The following SLC2A4RG variants were observed in gnomAD, a reference collection of about 807,000 sequenced individuals.
The protein encoded by SLC2A4RG is SLC2A4 regulator.
SLC2A4RG carries 23 observed loss-of-function variants against 35.5 expected under a neutral mutation model. That is an observed-to-expected ratio of 0.65 (90% CI 0.47 to 0.92). The LOEUF is 0.92. Ranked by LOEUF, SLC2A4RG falls within the 40% of genes least tolerant of loss-of-function variation. The pLI, the probability that SLC2A4RG is intolerant of heterozygous loss-of-function variation, is 0.00. For synonymous variants in SLC2A4RG, 306 were observed against 243.7 expected (o/e 1.26, Z -2.38); for missense variants, 539 against 525.0 (o/e 1.03, Z -0.26).
At chr20:63,740,561 C>T in intron 2 of SLC2A4RG, 30 bp downstream of exon 2, 3 of 1,228,148 alleles carry the variant, frequency 2.4e-6, no homozygotes, top group Non-Finnish European at 3.0e-6. Flanking sequence ...CCTCGGGACT[C>T]GGTGTGCGCA....
chr20:63,741,499 A>G lies in SLC2A4RG; in HGVS notation c.391+20A>G. ...GCCCAGGTAAGACTCAGATGTCTGC[A>G]TTTAGGGGTGTGGGTGGGGACAGGG... On this transcript the variant is annotated intron_variant, in intron 3 of 7. Transcript: ENST00000266077. 1.2e-6 allele frequency: 2 copies of G among 1,603,994 alleles called. No homozygotes were observed. The highest frequency in any genetic ancestry group is 1.7e-6 in the Non-Finnish European group (2 of 1,172,678).
intron 1 of SLC2A4RG, 80 bp downstream of exon 1, chr20:63,740,118 G>A: frequency 1.4e-6 from 1 of 725,024 alleles, no homozygotes; most frequent in Non-Finnish European, 1.7e-6. Context: ...CAAACTTCGG[G>A]CCCCCGGGGG....
In SLC2A4RG at chr20:63,742,124, C is replaced by A; in HGVS notation, c.580-6C>A. 1 of 1,603,600 alleles carries A rather than the reference C, an allele frequency of 6.2e-7. No individual in the cohort carries two copies. Among genetic ancestry groups the A allele is most frequent in the South Asian group, 1.1e-5 (1 of 89,796 alleles). On this transcript the variant is annotated splice_polypyrimidine_tract_variant and splice_region_variant and intron_variant, in intron 4 of 7. Coordinates refer to ENST00000266077, the MANE Select transcript of SLC2A4RG (RefSeq NM_020062.4). ...CTGAGCCTGACCCTGGCCCCTGTTG[C>A]TGCAGAGCCCGGCCCAGGTCATGTT... is the stretch of plus-strand genomic sequence containing the variant.
At position 63,742,795 on chromosome 20, in the gene SLC2A4RG, G is replaced by A. The variant is rs376047910; in HGVS notation, c.1052+5G>A. ...CAGGATCGGAGTCACCCTGAGGTGC[G>A]TGTGGGCTGAGGGCCTGCGGCTGGC... On this transcript the variant is annotated splice_donor_5th_base_variant and intron_variant, in intron 7 of 7. Coordinates refer to ENST00000266077, the MANE Select transcript of SLC2A4RG (RefSeq NM_020062.4). The A allele has an allele frequency of 3.9e-4, 608 of 1,578,940 alleles. No individual in the cohort carries two copies. Among genetic ancestry groups the A allele is most frequent in the Non-Finnish European group, 5.0e-4 (577 of 1,162,138 alleles).
In SLC2A4RG at chr20:63,741,190, G is replaced by A. The variant is rs545100583; in HGVS notation, c.282-180G>A. On this transcript the variant is annotated intron_variant, in intron 2 of 7. Transcript: ENST00000266077. ...GGAGACCCTGGCCCTGCTCCTGGCG[G>A]CTCCGGGTGGCTTTCAGCTCTCTCT... 9.9e-6 allele frequency: 6 copies of A among 604,066 alleles called. No individual in the cohort carries two copies. In the East Asian group the frequency reaches 1.4e-4, roughly 14 times the overall value. The allele number at this position is 604,066 out of a possible 1,614,324, so 37.4% of individuals were successfully genotyped here.
Position 63,741,861 on chromosome 20 carries a change from C to A in SLC2A4RG, c.392-8C>A. ...AAGTTCTAAGGCGGGGGGCCCGTGT[C>A]CCCACAGAGCCTGGCCTGGAGCCCT... On this transcript the variant is annotated splice_polypyrimidine_tract_variant and splice_region_variant and intron_variant, in intron 3 of 7. Transcript: ENST00000266077. The A allele has an allele frequency of 6.3e-7, 1 of 1,582,360 alleles. No individual in the cohort carries two copies. Among genetic ancestry groups the A allele is most frequent in the South Asian group, 1.1e-5 (1 of 87,726 alleles).
At position 63,741,386 on chromosome 20, in the gene SLC2A4RG, G is replaced by C. The variant is rs1482266575; in HGVS notation, c.298G>C (p.Ala100Pro). Reference protein sequence around the residue: ...VPAQRATPGKARLDEVMAAAA... With the variant: ...VPAQRATPGKPRLDEVMAAAA... ...CTCCTCCAGAGCCACCCCAGGAAAA[G>C]CCCGGCTGGACGAGGTCATGGCTGC... Residue 100 changes from alanine to proline, a missense_variant, in exon 3 of 8, where the codon GCC becomes CCC. Coordinates refer to ENST00000266077, the MANE Select transcript of SLC2A4RG (RefSeq NM_020062.4). 1.2e-6 allele frequency: 2 copies of C among 1,613,074 alleles called. No individual in the cohort carries two copies. Among genetic ancestry groups the C allele is most frequent in the Admixed American group, 3.3e-5 (2 of 60,008 alleles).
rs757570887 is a variant in SLC2A4RG, at chr20:63,742,887, G to A, written c.1061G>A (p.Arg354His). Residue 354 changes from arginine to histidine, a missense_variant, in exon 8 of 8, where the codon CGC (arginine) becomes CAC (histidine). By Grantham distance (29) the Arg-to-His change is conservative. Transcript: ENST00000266077. The part of the protein sequence containing the change: ...SRIGVTLRKP[R>H]GDAKKCRKVY... ...TGTGACCCCCCGCACAGGAAGCCCC[G>A]CGGCGACGCGAAGAAGTGCCGGAAG... 37 of 1,611,432 alleles carry A rather than the reference G, an allele frequency of 2.3e-5. No individual in the cohort carries two copies. The highest frequency in any genetic ancestry group is 2.1e-5 in the Non-Finnish European group (25 of 1,179,270).
At position 63,741,472 on chromosome 20, in the gene SLC2A4RG, C is replaced by G; in HGVS notation, c.384C>G (p.Phe128Leu). Reference protein sequence around the residue: ...PLLLGAPVAAFSPEPGLEPWK... With the variant: ...PLLLGAPVAALSPEPGLEPWK... ...TTCTGGGGGCCCCGGTTGCAGCCTT[C>G]AGCCCAGGTAAGACTCAGATGTCTG... Residue 128 changes from phenylalanine (F) to leucine (L), a missense_variant, in exon 3 of 8, where the codon TTC becomes TTG. Phe to Leu is a conservative substitution (Grantham distance 22). Transcript: ENST00000266077. 1 of 1,613,146 alleles carries G rather than the reference C, an allele frequency of 6.2e-7. No homozygotes were observed. Among genetic ancestry groups the G allele is most frequent in the Non-Finnish European group, 8.5e-7 (1 of 1,179,702 alleles).
rs2092040016 is a variant in SLC2A4RG, at chr20:63,741,279, G to T, written c.282-91G>T. On this transcript the variant is annotated intron_variant, in intron 2 of 7. Coordinates refer to ENST00000266077, the MANE Select transcript of SLC2A4RG (RefSeq NM_020062.4). ...GGGCTGGGAGTGGGGAGCCTGGTGT[G>T]CACGCGTGCCCAGGCCTGCACGTGG... 8 of 1,151,788 alleles carry T rather than the reference G, an allele frequency of 6.9e-6. No individual in the cohort carries two copies. In the South Asian group the frequency reaches 1.0e-4, roughly 15 times the overall value. 71.3% of individuals were successfully genotyped at this position (1,151,788 alleles called of 1,614,324 possible).
At chr20:63,740,559 C>T (rs2092036478) in intron 2 of SLC2A4RG, 28 bp downstream of exon 2, 1 of 1,228,214 alleles carries the variant, frequency 8.1e-7, no homozygotes, top group Non-Finnish European at 1.0e-6. Flanking sequence ...TGCCTCGGGA[C>T]TCGGTGTGCG....
At position 63,740,496 on chromosome 20, in the gene SLC2A4RG, G is replaced by C; in HGVS notation, c.246G>C (p.Arg82=). The C allele has an allele frequency of 1.6e-6, 2 of 1,229,890 alleles. No individual in the cohort carries two copies. The highest frequency in any genetic ancestry group is 6.3e-5 in the East Asian group (2 of 31,554). 76.2% of individuals were successfully genotyped at this position (1,229,890 alleles called of 1,614,324 possible). The change falls in exon 2 of 8, where the codon CGG becomes CGC. Residue 82 remains arginine, a synonymous_variant. Transcript: ENST00000266077. ...GGACGGGGGCGGCGGCGGGGCCCCG[G>C]ACTCCGTCGGCGCACATCCCCGTCC... ...RTWTGAAAGP[R]TPSAHIPVPA... is the part of the protein sequence containing the mutation.
Position 63,742,898 on chromosome 20 carries a change from A to T in SLC2A4RG, c.1072A>T (p.Lys358Ter), listed in dbSNP as rs2092051779. The T allele has an allele frequency of 6.2e-7, 1 of 1,611,798 alleles. No homozygotes were observed. The highest frequency in any genetic ancestry group is 1.3e-5 in the African/African-American group (1 of 74,868). ...GCACAGGAAGCCCCGCGGCGACGCG[A>T]AGAAGTGCCGGAAGGTGTATGGCAT... ...VTLRKPRGDA[K>*]KCRKVYGMER... Residue 358 changes from lysine (K) to a stop codon, truncating the protein, a stop_gained, in exon 8 of 8, where the codon AAG becomes TAG. Coordinates refer to ENST00000266077, the MANE Select transcript of SLC2A4RG (RefSeq NM_020062.4). LOFTEE classifies it high-confidence loss of function.
Position 63,740,367 on chromosome 20 carries a change from C to T in SLC2A4RG, c.127-10C>T, listed in dbSNP as rs1251729973. The T allele has an allele frequency of 7.3e-6, 9 of 1,226,430 alleles. No individual in the cohort carries two copies. The highest frequency in any genetic ancestry group is 1.6e-5 in the African/African-American group (1 of 64,034). 76.0% of individuals were successfully genotyped at this position (1,226,430 alleles called of 1,614,324 possible). Reference sequence around the variant, plus strand: ...CGCCTCCGCTGAGTCTGCCCCCTCCCCATCCGCAGGGCTCTTCCGTGGGCG... The same window carrying T: ...CGCCTCCGCTGAGTCTGCCCCCTCCTCATCCGCAGGGCTCTTCCGTGGGCG... On this transcript the variant is annotated splice_polypyrimidine_tract_variant and intron_variant, in intron 1 of 7. Coordinates refer to ENST00000266077, the MANE Select transcript of SLC2A4RG (RefSeq NM_020062.4).
chr20:63,742,748 C>T lies in SLC2A4RG; in HGVS notation c.1010C>T (p.Ala337Val), dbSNP rs1247110039. The T allele has an allele frequency of 1.3e-6, 2 of 1,594,598 alleles. No homozygotes were observed. Among genetic ancestry groups the T allele is most frequent in the Non-Finnish European group, 8.5e-7 (1 of 1,171,964 alleles). Residue 337 changes from alanine (A) to valine (V), a missense_variant, in exon 7 of 8, where the codon GCC (alanine) becomes GTC (valine). Transcript: ENST00000266077. ...GAGCCGCAGCCCACGGAGGTCGGAG[C>T]CTGCCCACCCGCCTTGTCCTCCAGG... is the stretch of plus-strand genomic sequence containing the variant. ...RLEPQPTEVGACPPALSSRIG... is the reference protein window; with the variant it reads ...RLEPQPTEVGVCPPALSSRIG...
Position 63,739,958 on chromosome 20 carries a change from C to CTGCGT in SLC2A4RG, c.50_51insTTGCG (p.Ala18CysfsTer20). 1.0e-6 allele frequency: 1 copy of CTGCGT among 979,802 alleles called. No individual in the cohort carries two copies. The highest frequency in any genetic ancestry group is 1.2e-6 in the Non-Finnish European group (1 of 827,810). 60.7% of individuals were successfully genotyped at this position (979,802 alleles called of 1,614,324 possible). A position where few individuals can be genotyped will look rare whatever the true frequency, so the allele number is the denominator to read the frequency against. ...CGCCGCCGGCCGGGACCCCAGTGCG[C>CTGCGT]TGCGGGCCGAGGCGCCGTGGCTGCG... is the stretch of plus-strand genomic sequence containing the variant. On this transcript the variant is annotated frameshift_variant, in exon 1 of 8. Transcript: ENST00000266077. LOFTEE classifies it high-confidence loss of function.
Position 63,743,482 on chromosome 20 carries a change from T to TAAAG in SLC2A4RG, c.*494_*497dup, listed in dbSNP as rs1281082498. On this transcript the variant is annotated 3_prime_UTR_variant, in exon 8 of 8. Transcript: ENST00000266077. ...GGCTGCACCAGGCGAAGAGAGAAAT[T>TAAAG]AAAGATTTGAGGTTTTTCCAGAAGC... 1.3e-5 allele frequency: 2 copies of TAAAG among 153,156 alleles called. No homozygotes were observed. Among genetic ancestry groups the TAAAG allele is most frequent in the Admixed American group, 6.5e-5 (1 of 15,350 alleles). 9.5% of individuals were successfully genotyped at this position (153,156 alleles called of 1,614,324 possible).
chr20:63,740,514 C>G lies in SLC2A4RG; in HGVS notation c.264C>G (p.Ile88Met). 8.1e-7 allele frequency: 1 copy of G among 1,229,588 alleles called. No individual in the cohort carries two copies. The highest frequency in any genetic ancestry group is 1.0e-6 in the Non-Finnish European group (1 of 986,110). 76.2% of individuals were successfully genotyped at this position (1,229,588 alleles called of 1,614,324 possible). A position where few individuals can be genotyped will look rare whatever the true frequency, so the allele number is the denominator to read the frequency against. ...GGCCCCGGACTCCGTCGGCGCACATCCCCGTCCCAGCGCAGAGGTGAGCGG... is the reference window on the plus strand; with the variant it reads ...GGCCCCGGACTCCGTCGGCGCACATGCCCGTCCCAGCGCAGAGGTGAGCGG... ...AAGPRTPSAH[I>M]PVPAQRATPG... is the part of the protein sequence containing the mutation. Residue 88 changes from isoleucine to methionine, a missense_variant, in exon 2 of 8, where the codon ATC becomes ATG. Physicochemically the swap from Ile to Met is conservative, Grantham distance 10 (BLOSUM62 1). Transcript: ENST00000266077.
intron 2 of SLC2A4RG, among the ~76,000 whole-genome samples, chr20:63,740,793 G>A (rs527864717): frequency 6.6e-6 from 1 of 152,288 alleles, no homozygotes; most frequent in South Asian, 2.1e-4. Flanking sequence ...AAGAGGCTGC[G>A]CGGTCGGCAT....
Sources: gnomAD v4.1 joint callset for allele counts (sites outside exome capture counted in the v4.1 genomes callset) on GRCh38, gnomAD v4.1.1 for gene constraint, MANE v1.5 for transcripts, NCBI Gene and HGNC (gene_info 2026-07-23, HGNC 2026-07-21) for gene names.